Variants in SEH1L observed in about 807,000 individuals in gnomAD.
The protein encoded by SEH1L is nucleoporin SEH1.
A neutral mutation model predicts 49.5 loss-of-function variants in SEH1L; 18 were observed. The ratio of observed to expected loss-of-function variants is 0.36; its 90% CI spans 0.25 to 0.54. SEH1L has a LOEUF of 0.54. Ranked by LOEUF, SEH1L falls within the 20% of genes least tolerant of loss-of-function variation. SEH1L has a pLI of 0.87. For synonymous variants in SEH1L, 169 were observed against 178.1 expected (o/e 0.95, Z 0.41); for missense variants, 404 against 528.8 (o/e 0.76, Z 2.31).
At chr18:12,953,251 T>C (rs757996732) in intron 2 of SEH1L, among the ~76,000 whole-genome samples, 3 of 152,218 alleles carry the variant, frequency 2.0e-5, no homozygotes, top group Admixed American at 6.5e-5. Context: ...CACGTTTTGT[T>C]TGTCTGTTCA....
intron 8 of SEH1L, chr18:12,985,924 C>T: frequency 1.1e-6 from 1 of 939,168 alleles, no homozygotes; most frequent in Non-Finnish European, 1.3e-6. Context: ...CAATTTGGGA[C>T]TAAGATGGAA....
At chr18:12,953,663 C>A (rs990439518) in intron 2 of SEH1L, among the ~76,000 whole-genome samples, 2 of 152,128 alleles carry the variant, frequency 1.3e-5, no homozygotes, top group African/African-American at 2.4e-5. Context: ...AGGTCCCCCC[C>A]CCTTTTAAGG....
rs1265715124 is a variant in SEH1L at position 12,986,869 on chromosome 18, T to C, written c.1078T>C (p.Phe360Leu). 6.4e-7 allele frequency: 1 copy of C among 1,569,218 alleles called. No individual in the cohort carries two copies. Among genetic ancestry groups the C allele is most frequent in the Admixed American group, 1.8e-5 (1 of 55,076 alleles). ...CTGTCTTCATTGTTTCAGGTATTTCTTTACCCCTCTGGATTCCCCACGGGC... is the reference window on the plus strand; with the variant it reads ...CTGTCTTCATTGTTTCAGGTATTTCCTTACCCCTCTGGATTCCCCACGGGC... ...LNGSSAGRYF[F>L]TPLDSPRAGS... Residue 360 changes from phenylalanine to leucine, a missense_variant, in exon 9 of 9, where the codon TTT (phenylalanine) becomes CTT (leucine). Physicochemically the swap from Phe to Leu is conservative, Grantham distance 22. Coordinates refer to ENST00000399892, the MANE Select transcript of SEH1L (RefSeq NM_001013437.2).
chr18:12,980,384 C>T (rs1343181071), intron 6 of SEH1L, among the ~76,000 whole-genome samples: 52 of 98,846 alleles, frequency 5.3e-4, no homozygotes, highest in Middle Eastern at 9.4e-3. Flanking sequence ...ACCCCCCCAC[C>T]TCCCTCCCGG....
chr18:12,969,890 A>C (rs987777559), intron 4 of SEH1L, among the ~76,000 whole-genome samples: 19 of 133,962 alleles, frequency 1.4e-4, no homozygotes, highest in Admixed American at 1.2e-3. Flanking sequence ...GCTCTGTCTC[A>C]AAAAAACAGG....
intron 3 of SEH1L, among the ~76,000 whole-genome samples, chr18:12,960,425 T>A (rs1249338142): frequency 6.6e-6 from 1 of 152,242 alleles, no homozygotes; most frequent in East Asian, 1.9e-4. Context: ...TTGAAAATAA[T>A]GGCTATATAT....
chr18:12,967,778 G>C (rs934727905), intron 4 of SEH1L, among the ~76,000 whole-genome samples: 1 of 152,134 alleles, frequency 6.6e-6, no homozygotes, highest in East Asian at 1.9e-4. Context: ...GATGGGCGTG[G>C]TGGTGTGCGC....
chr18:12,957,533 TG>T (rs1240154749), intron 3 of SEH1L, among the ~76,000 whole-genome samples: 1 of 152,266 alleles, frequency 6.6e-6, no homozygotes, highest in East Asian at 1.9e-4. Context: ...ATCTGTGTGC[TG>T]TTGAAGTTCC....
intron 7 of SEH1L, 125 bp from the exon 8 acceptor site, chr18:12,983,914 TG>T: frequency 3.3e-6 from 2 of 607,006 alleles, no homozygotes; most frequent in Non-Finnish European, 5.4e-6. Flanking sequence ...ATGTTTATCC[TG>T]AAAGAAATGT....
intron 1 of SEH1L, 21 bp downstream of exon 1, chr18:12,948,253 C>G (rs2030238519): frequency 6.4e-7 from 1 of 1,567,566 alleles, no homozygotes; most frequent in Non-Finnish European, 8.8e-7. Flanking sequence ...CGCTTGCGGG[C>G]GGGGCCGACC....
chr18:12,952,232 C>CTT (rs746291412), intron 2 of SEH1L, among the ~76,000 whole-genome samples: 22 of 133,424 alleles, frequency 1.6e-4, no homozygotes, highest in South Asian at 2.4e-4. Flanking sequence ...TAGAAATTTT[C>CTT]TTTTTTTTTT....
At chr18:12,962,826 C>A (rs73953324) in intron 3 of SEH1L, among the ~76,000 whole-genome samples, 12 of 151,886 alleles carry the variant, frequency 7.9e-5, no homozygotes, top group African/African-American at 2.9e-4. Context: ...GACAAAACTT[C>A]TTGTCTGAAA....
chr18:12,985,104 G>A, intron 8 of SEH1L: 1 of 731,170 alleles, frequency 1.4e-6, no homozygotes, highest in Non-Finnish European at 2.0e-6. Context: ...CTGGTTTTTG[G>A]TCACTGCCTG....
intron 8 of SEH1L, chr18:12,985,768 T>G: frequency 1.1e-6 from 1 of 950,864 alleles, no homozygotes; most frequent in Non-Finnish European, 1.3e-6. Context: ...GCTTTATCCA[T>G]GATATTCAGT....
At chr18:12,980,630 A>G (rs1598978649) in intron 6 of SEH1L, among the ~76,000 whole-genome samples, 1 of 122,990 alleles carries the variant, frequency 8.1e-6, no homozygotes, top group Non-Finnish European at 1.7e-5. Flanking sequence ...CTCTCTTCCC[A>G]GTAGGGGCGG....
At chr18:12,986,091 C>T in intron 8 of SEH1L, 1 of 984,844 alleles carries the variant, frequency 1.0e-6, no homozygotes, top group Non-Finnish European at 1.2e-6. Context: ...TAAAATTTTA[C>T]TAAAATTGTG....
At chr18:12,956,479 A>T (rs1018730257) in intron 3 of SEH1L, among the ~76,000 whole-genome samples, 12 of 148,928 alleles carry the variant, frequency 8.1e-5, no homozygotes, top group Admixed American at 3.3e-4. Flanking sequence ...AAAAGAACAG[A>T]TACTCATTAT....
chr18:12,955,900 A>G lies in SEH1L; in HGVS notation c.309+291A>G, dbSNP rs1598944178. ...GTATATTTTATGATAGTAATATATG[A>G]TTTTAAAGTATTCTGGCTCACTGCA... On this transcript the variant is annotated intron_variant, in intron 3 of 8. Transcript: ENST00000399892. 2.0e-5 allele frequency among the ~76,000 whole-genome samples: 3 copies of G among 152,146 alleles called. No homozygotes were observed. The East Asian group carries it at 5.8e-4, about 29-fold the overall frequency.
intron 3 of SEH1L, among the ~76,000 whole-genome samples, chr18:12,962,385 A>T (rs1265118230): frequency 9.2e-5 from 14 of 151,472 alleles, no homozygotes; most frequent in African/African-American, 1.2e-4. Flanking sequence ...AAGAAAAAAA[A>T]AAAAATAATA....
Sources: gnomAD v4.1 joint callset for allele counts (sites outside exome capture counted in the v4.1 genomes callset) on GRCh38, gnomAD v4.1.1 for gene constraint, MANE v1.5 for transcripts, NCBI Gene and HGNC (gene_info 2026-07-23, HGNC 2026-07-21) for gene names.